The following FTCDNL1 variants were observed in gnomAD, a reference collection of about 807,000 sequenced individuals.
The protein encoded by FTCDNL1 is formiminotransferase N-terminal subdomain-containing protein.
Under a neutral mutation model 5.9 loss-of-function variants are expected in FTCDNL1, and 11 were observed. That is an observed-to-expected ratio of 1.87 (90% CI 1.18 to 3.10). The LOEUF (loss-of-function observed/expected upper bound fraction) is 3.10. Among genes scored for constraint, FTCDNL1 ranks in the 30% most tolerant of loss-of-function variants. The probability of loss-of-function intolerance (pLI) is 0.00; values close to 1 mark genes in which losing one functional copy is unlikely to be tolerated. For synonymous variants in FTCDNL1, 58 were observed against 24.8 expected (o/e 2.34, Z -3.99); for missense variants, 115 against 65.5 (o/e 1.76, Z -2.61).
At chr2:199,808,628 A>T (rs560447862), downstream of FTCDNL1, among the ~76,000 whole-genome samples, 37 of 152,338 alleles carry the variant, frequency 2.4e-4, no homozygotes, top group Non-Finnish European at 4.1e-4. Flanking sequence ...GGAGAGGTTA[A>T]TTCAGGTAAC....
chr2:199,840,309 A>G (rs1164370667), intron 3 of FTCDNL1, among the ~76,000 whole-genome samples: 2 of 152,242 alleles, frequency 1.3e-5, no homozygotes, highest in African/African-American at 2.4e-5. Context: ...GCAAAAGTAT[A>G]AAGTTATGCA....
intron 4 of FTCDNL1, chr2:199,819,328 C>T (rs911541806): frequency 2.0e-6 from 1 of 501,508 alleles, no homozygotes; most frequent in Non-Finnish European, 3.6e-6. Context: ...CGTTGCAGGG[C>T]TAATGATATA....
chr2:199,758,441 C>A (rs1292797255), downstream of FTCDNL1, among the ~76,000 whole-genome samples: 5 of 149,544 alleles, frequency 3.3e-5, no homozygotes, highest in Non-Finnish European at 7.4e-5. Flanking sequence ...AAGCAAGAGG[C>A]CATTCCCACC....
chr2:199,692,986 A>T, the FTCDNL1 span, among the ~76,000 whole-genome samples: 7 of 152,230 alleles, frequency 4.6e-5, no homozygotes. Flanking sequence ...AATCATCCTC[A>T]GTAGCTGGAG....
At chr2:199,747,760 G>A in the FTCDNL1 span, among the ~76,000 whole-genome samples, 2 of 152,124 alleles carry the variant, frequency 1.3e-5, no homozygotes, top group African/African-American at 2.4e-5. Flanking sequence ...CAAGCAAGAA[G>A]TCTCCATTTT....
rs56145074 is a variant in FTCDNL1 at position 199,776,958 on chromosome 2, A to ATGTGTG, written c.212-16129_212-16124dup. On this transcript the variant is annotated intron_variant, in intron 3 of 3. Transcript: ENST00000416668. ...CACACACACACAGAGATGTGTGTATATGTGTGTGTGTGTGTGTGTGTGTGT... is the reference window on the plus strand; with the variant it reads ...CACACACACACAGAGATGTGTGTATATGTGTGTGTGTGTGTGTGTGTGTGTGTGTGT... Among the ~76,000 whole-genome samples, 465 of 136,204 alleles carry ATGTGTG rather than the reference A, an allele frequency of 3.4e-3. 2 individuals carry two copies. The highest frequency in any genetic ancestry group is 7.6e-3 in the Middle Eastern group (2 of 264). The allele number at this position is 136,204 out of a possible 152,430, so 89.4% of individuals were successfully genotyped here.
At chr2:199,757,655 C>T (rs753047303), downstream of FTCDNL1, among the ~76,000 whole-genome samples, 11 of 152,206 alleles carry the variant, frequency 7.2e-5, no homozygotes, top group Non-Finnish European at 1.5e-4. Context: ...TGGCTGCAAA[C>T]CAGCCCAGCC....
chr2:199,792,951 A>G (rs1700003394), intron 3 of FTCDNL1, among the ~76,000 whole-genome samples: 1 of 152,188 alleles, frequency 6.6e-6, no homozygotes, highest in African/African-American at 2.4e-5. Flanking sequence ...TTGTATTGTC[A>G]AATATGTTAT....
intron 3 of FTCDNL1, among the ~76,000 whole-genome samples, chr2:199,821,396 G>A (rs1045362828): frequency 6.1e-5 from 9 of 146,934 alleles, no homozygotes; most frequent in African/African-American, 1.8e-4. Flanking sequence ...TCCTGACCTC[G>A]TGATCTGCCC....
At chr2:199,739,849 A>G in the FTCDNL1 span, among the ~76,000 whole-genome samples, 2 of 152,206 alleles carry the variant, frequency 1.3e-5, no homozygotes, top group Non-Finnish European at 2.9e-5. Context: ...ATCTAGACTT[A>G]CCAGTCCATA....
chr2:199,825,260 T>C (rs1701958399), intron 3 of FTCDNL1, among the ~76,000 whole-genome samples: 1 of 152,104 alleles, frequency 6.6e-6, no homozygotes, highest in African/African-American at 2.4e-5. Flanking sequence ...GTTGGAAACA[T>C]GGCACCAATG....
the FTCDNL1 span, among the ~76,000 whole-genome samples, chr2:199,717,986 C>CAAA: frequency 6.3e-5 from 9 of 142,550 alleles, no homozygotes; most frequent in East Asian, 1.0e-3. Flanking sequence ...ACCAAAAAAA[C>CAAA]AAAAAAAAAA....
At chr2:199,760,810 C>G in exon 4 of FTCDNL1, 1 of 702,354 alleles carries the variant, frequency 1.4e-6, no homozygotes, top group Middle Eastern at 2.3e-4. Flanking sequence ...ACAGCACTTG[C>G]CTTTAGGCTT....
the FTCDNL1 span, among the ~76,000 whole-genome samples, chr2:199,737,658 T>C: frequency 6.6e-6 from 1 of 152,212 alleles, no homozygotes; most frequent in African/African-American, 2.4e-5. Context: ...CTGGGGCCAC[T>C]GTGTCTCCTG....
intron 3 of FTCDNL1, among the ~76,000 whole-genome samples, chr2:199,824,340 TA>T (rs1701888751): frequency 6.6e-6 from 1 of 152,370 alleles, no homozygotes; most frequent in Non-Finnish European, 1.5e-5. Flanking sequence ...TTCTTTGGAT[TA>T]GGCTTTGGCT....
chr2:199,676,303 T>C, the FTCDNL1 span, among the ~76,000 whole-genome samples: 27 of 152,278 alleles, frequency 1.8e-4, no homozygotes, highest in Non-Finnish European at 1.6e-4. Context: ...TTCATTTAAA[T>C]TGGTTTTTCA....
intron 3 of FTCDNL1, among the ~76,000 whole-genome samples, chr2:199,827,210 G>A (rs140641116): frequency 1.3e-5 from 2 of 152,270 alleles, no homozygotes; most frequent in East Asian, 1.9e-4. Context: ...AAATGTGAGG[G>A]ATAAAGACAC....
At chr2:199,717,399 A>C in the FTCDNL1 span, among the ~76,000 whole-genome samples, 3 of 151,844 alleles carry the variant, frequency 2.0e-5, no homozygotes, top group African/African-American at 7.3e-5. Flanking sequence ...TTTGCCTCCA[A>C]AACTTCCCTC....
At chr2:199,681,111 G>A in the FTCDNL1 span, among the ~76,000 whole-genome samples, 1 of 152,194 alleles carries the variant, frequency 6.6e-6, no homozygotes, top group East Asian at 1.9e-4. Flanking sequence ...TACTTGATAA[G>A]TTTAAAAAGT....
Sources: allele counts gnomAD v4.1 joint callset (sites outside exome capture counted in the v4.1 genomes callset), GRCh38; gene constraint gnomAD v4.1.1; transcripts MANE v1.5; gene names NCBI Gene and HGNC (gene_info 2026-07-23, HGNC 2026-07-21).